Variants in SLC39A8 observed in about 807,000 individuals in gnomAD.
SLC39A8 encodes the protein solute carrier family 39 member 8.
Under a neutral mutation model 40.4 loss-of-function variants are expected in SLC39A8, and 15 were observed. That is an observed-to-expected ratio of 0.37 (90% CI 0.25 to 0.57). SLC39A8 has a LOEUF of 0.57. Ranked by LOEUF, SLC39A8 falls within the 20% of genes least tolerant of loss-of-function variation. The pLI is 0.75. For synonymous variants in SLC39A8, 223 were observed against 221.6 expected (o/e 1.01, Z -0.06); for missense variants, 472 against 558.8 (o/e 0.84, Z 1.57).
chr4:102,268,498 T>C (rs1732205186), intron 6 of SLC39A8, among the ~76,000 whole-genome samples: 1 of 152,244 alleles, frequency 6.6e-6, no homozygotes, highest in Admixed American at 6.5e-5. Context: ...AACTAGAGCA[T>C]GATGAATGAC....
chr4:102,272,971 G>A (rs751907977), intron 6 of SLC39A8, among the ~76,000 whole-genome samples: 8 of 152,140 alleles, frequency 5.3e-5, no homozygotes, highest in Non-Finnish European at 1.2e-4. Flanking sequence ...ATTCCCTAGG[G>A]TGCCTACACC....
Position 102,273,284 on chromosome 4 carries a change from G to A in SLC39A8, c.841-5205C>T, listed in dbSNP as rs375386925. Among the ~76,000 whole-genome samples, 29 of 152,268 alleles carry A rather than the reference G, an allele frequency of 1.9e-4. 1 individual carries two copies. In the East Asian group the frequency reaches 3.9e-3, roughly 20 times the overall value. On this transcript the variant is annotated intron_variant, in intron 6 of 8. Transcript: ENST00000356736. Reference sequence around the variant, plus strand: ...GGGAGGGGCATCTGCCATTACTGAGGCTTGAGTAGGCAGTTTTCCCTTCAT... The same window carrying A: ...GGGAGGGGCATCTGCCATTACTGAGACTTGAGTAGGCAGTTTTCCCTTCAT...
chr4:102,271,185 G>A (rs552394157), intron 6 of SLC39A8, among the ~76,000 whole-genome samples: 2 of 152,210 alleles, frequency 1.3e-5, no homozygotes, highest in South Asian at 4.2e-4. Flanking sequence ...GCAAGCATGA[G>A]TAAGAGGAGC....
chr4:102,307,800 A>G lies in SLC39A8; in HGVS notation c.383-195T>C, dbSNP rs1264799155. ...TGGCATAGCAAGCATTAATAGTAAT[A>G]CTGTTTATGTTTTAATCAGCCCTAA... On this transcript the variant is annotated intron_variant, in intron 3 of 8. Transcript: ENST00000356736. Among the ~76,000 whole-genome samples the G allele has an allele frequency of 2.0e-5, 3 of 152,058 alleles. No homozygotes were observed. The East Asian group carries it at 5.8e-4, about 29-fold the overall frequency.
chr4:102,342,326 C>A (rs1735977627), intron 2 of SLC39A8, among the ~76,000 whole-genome samples: 1 of 152,130 alleles, frequency 6.6e-6, no homozygotes, highest in South Asian at 2.1e-4. Flanking sequence ...CAGGGAGAAA[C>A]CTCATCTCTA....
chr4:102,298,378 C>A (rs139407309), intron 6 of SLC39A8, among the ~76,000 whole-genome samples: 42 of 152,050 alleles, frequency 2.8e-4, no homozygotes, highest in African/African-American at 9.2e-4. Flanking sequence ...CAAAGACAAC[C>A]CAGAATTTCT....
chr4:102,329,134 T>A (rs1460721837), intron 2 of SLC39A8, among the ~76,000 whole-genome samples: 1 of 151,848 alleles, frequency 6.6e-6, no homozygotes, highest in Non-Finnish European at 1.5e-5. Flanking sequence ...TCTGAAGTAA[T>A]GGGACTGTCA....
At chr4:102,255,665 C>T (rs979626208) in intron 11 of SLC39A8, among the ~76,000 whole-genome samples, 2 of 152,116 alleles carry the variant, frequency 1.3e-5, no homozygotes, top group African/African-American at 4.8e-5. Context: ...TTGGGAGAAA[C>T]CAGTTTCTAA....
In SLC39A8 at chr4:102,323,571, CA is replaced by C. The variant is rs532052250; in HGVS notation, c.220-7742del. ...AATAAATTTTATAAGCAATAGTTAT[CA>C]TAAGAGTTCTGGGAAGCATATAAGG... is the stretch of plus-strand genomic sequence containing the variant. On this transcript the variant is annotated intron_variant, in intron 2 of 8. Transcript: ENST00000356736. 1.1e-3 allele frequency among the ~76,000 whole-genome samples: 161 copies of C among 152,266 alleles called. 1 individual carries two copies. The highest frequency in any genetic ancestry group is 3.8e-3 in the African/African-American group (157 of 41,548).
rs531974018 is a variant in SLC39A8, at chr4:102,267,800, T to C, written c.1048+72A>G. ...GCATCAGAAGGATTTTAAGAGCATG[T>C]CACCTGAAAAGTCTCATTCCACTGA... On this transcript the variant is annotated intron_variant, in intron 7 of 8. Transcript: ENST00000356736. 690 of 1,567,202 alleles carry C rather than the reference T, an allele frequency of 4.4e-4. 2 individuals are homozygous for C. The highest frequency in any genetic ancestry group is 1.1e-3 in the South Asian group (99 of 87,218).
chr4:102,299,931 G>A (rs552478427), intron 6 of SLC39A8, among the ~76,000 whole-genome samples: 1 of 152,126 alleles, frequency 6.6e-6, no homozygotes, highest in African/African-American at 2.4e-5. Flanking sequence ...GCCCCACCCG[G>A]CTGCAGAGAT....
intron 3 of SLC39A8, among the ~76,000 whole-genome samples, chr4:102,313,982 G>A (rs1560556208): frequency 6.6e-6 from 1 of 151,946 alleles, no homozygotes. Flanking sequence ...GTGTGCCTTT[G>A]CCTACTGGAC....
At chr4:102,316,028 A>G (rs570958969) in intron 2 of SLC39A8, among the ~76,000 whole-genome samples, 198 bp from the exon 3 acceptor site, 28 of 152,126 alleles carry the variant, frequency 1.8e-4, no homozygotes, top group African/African-American at 5.5e-4. Flanking sequence ...AAAAATAGAA[A>G]AAAAAAAATC....
intron 6 of SLC39A8, among the ~76,000 whole-genome samples, chr4:102,285,646 T>TGTGC (rs922190375): frequency 5.9e-5 from 9 of 151,626 alleles, no homozygotes; most frequent in African/African-American, 1.9e-4. Flanking sequence ...TGTGTGTGTG[T>TGTGC]GCATGTGTGT....
At position 102,305,238 on chromosome 4, in the gene SLC39A8, C is replaced by CT; in HGVS notation, c.553-128dup. On this transcript the variant is annotated intron_variant, in intron 4 of 8. Coordinates refer to ENST00000356736, the MANE Select transcript of SLC39A8 (RefSeq NM_001135146.2). Reference sequence around the variant, plus strand: ...CTTCACATCCAAGTAATATTGGAAACTTAGCTGCCAAAAATCACAAAACAA... The same window carrying CT: ...CTTCACATCCAAGTAATATTGGAAACTTTAGCTGCCAAAAATCACAAAACAA... The CT allele has an allele frequency of 2.0e-6, 2 of 986,312 alleles. 1 individual carries two copies. Among genetic ancestry groups the CT allele is most frequent in the South Asian group, 3.5e-5 (2 of 57,772 alleles). The allele number at this position is 986,312 out of a possible 1,614,324, so 61.1% of individuals were successfully genotyped here.
At chr4:102,326,211 A>G (rs888135543) in intron 2 of SLC39A8, among the ~76,000 whole-genome samples, 1 of 152,212 alleles carries the variant, frequency 6.6e-6, no homozygotes, top group East Asian at 1.9e-4. Context: ...TTCTGAGGAT[A>G]AAGTGTGGAG....
chr4:102,275,413 A>G (rs943380061), intron 6 of SLC39A8, among the ~76,000 whole-genome samples: 1 of 152,230 alleles, frequency 6.6e-6, no homozygotes, highest in African/African-American at 2.4e-5. Flanking sequence ...AAAGGGATCA[A>G]TGCAGCAAGA....
intron 2 of SLC39A8, among the ~76,000 whole-genome samples, chr4:102,330,626 A>G (rs1735408566): frequency 6.6e-6 from 1 of 152,154 alleles, no homozygotes; most frequent in African/African-American, 2.4e-5. Context: ...TCCTTCTGAT[A>G]CTATCCCAAA....
At chr4:102,253,613 A>C (rs556403814) in intron 11 of SLC39A8, among the ~76,000 whole-genome samples, 93 of 152,324 alleles carry the variant, frequency 6.1e-4, no homozygotes, top group Middle Eastern at 3.4e-3. Context: ...TATTTTGAAT[A>C]ATTCAAAAAT....
Sources: allele counts gnomAD v4.1 joint callset (sites outside exome capture counted in the v4.1 genomes callset), GRCh38; gene constraint gnomAD v4.1.1; transcripts MANE v1.5; gene names NCBI Gene and HGNC (gene_info 2026-07-23, HGNC 2026-07-21).